CSMD1: variants seen among roughly 807,000 people sequenced by gnomAD.
CSMD1 encodes CUB and sushi domain-containing protein 1.
In CSMD1, 213 loss-of-function variants were observed where a neutral mutation model predicts 417.5. That is an observed-to-expected ratio of 0.51 (90% CI 0.46 to 0.57). CSMD1 has a LOEUF of 0.57. CSMD1 is among the 20% of genes least tolerant of loss of function. The pLI, the probability that CSMD1 is intolerant of heterozygous loss-of-function variation, is 0.00. For missense variants in CSMD1, 6,923 were observed against 4,529.7 expected, an observed-to-expected ratio of 1.53 and a Z score of -15.17; for synonymous variants, 2,862 against 1,736.8, an observed-to-expected ratio of 1.65 and a Z score of -16.11.
chr8:3,494,631 A>G (rs1468929498), intron 10 of CSMD1, among the ~76,000 whole-genome samples: 1 of 152,046 alleles, frequency 6.6e-6, no homozygotes, highest in African/African-American at 2.4e-5. Flanking sequence ...GATAGATGAC[A>G]GACTGGATGG....
chr8:3,684,596 C>CTT (rs141663569), intron 7 of CSMD1, among the ~76,000 whole-genome samples: 17 of 127,918 alleles, frequency 1.3e-4, no homozygotes, highest in East Asian at 9.1e-4. Context: ...CTGATACAGT[C>CTT]TTTTTTTTTT....
At chr8:4,907,807 C>T (rs1320417500) in intron 1 of CSMD1, among the ~76,000 whole-genome samples, 1 of 151,778 alleles carries the variant, frequency 6.6e-6, no homozygotes, top group Admixed American at 6.6e-5. Context: ...CTCAAGCAAT[C>T]CTCTTTCCTC....
At chr8:4,049,374 A>C (rs1798306966) in intron 3 of CSMD1, among the ~76,000 whole-genome samples, 1 of 151,806 alleles carries the variant, frequency 6.6e-6, no homozygotes. Context: ...AACAATCAAA[A>C]ATCTCTGCAG....
At position 3,223,873 on chromosome 8, in the gene CSMD1, A is replaced by G; in HGVS notation, c.4346-6T>C. 6.2e-7 allele frequency: 1 copy of G among 1,613,628 alleles called. No individual in the cohort carries two copies. On this transcript the variant is annotated splice_polypyrimidine_tract_variant and splice_region_variant and intron_variant, in intron 27 of 69. Coordinates refer to ENST00000635120, the MANE Select transcript of CSMD1 (RefSeq NM_033225.6). ...CAGATTCCCTCCACAAGCAGCTGTC[A>G]CAGAACAAAAGTTACAGAGAAAAAG...
Position 3,263,142 on chromosome 8 carries a change from A to G in CSMD1, c.4153+21002T>C, listed in dbSNP as rs182739493. On this transcript the variant is annotated intron_variant, in intron 26 of 69. Coordinates refer to ENST00000635120, the MANE Select transcript of CSMD1 (RefSeq NM_033225.6). ...TTCAGAGAGTTTCACTTTGTTGTCC[A>G]GGCTGGAGTGCAGTGGCATGATCGC... Among the ~76,000 whole-genome samples, 379 of 152,240 alleles carry G rather than the reference A, an allele frequency of 2.5e-3. 1 individual carries two copies. The highest frequency in any genetic ancestry group is 8.1e-3 in the African/African-American group (338 of 41,540).
intron 7 of CSMD1, among the ~76,000 whole-genome samples, chr8:3,634,321 G>A (rs1039361735): frequency 6.6e-6 from 1 of 152,190 alleles, no homozygotes; most frequent in Non-Finnish European, 1.5e-5. Flanking sequence ...AGCAATGTGG[G>A]TGGACAGCAT....
intron 2 of CSMD1, among the ~76,000 whole-genome samples, chr8:4,460,088 C>T (rs1335359411): frequency 6.6e-6 from 1 of 152,128 alleles, no homozygotes; most frequent in East Asian, 1.9e-4. Context: ...ATGAAACATT[C>T]TCCACAACAG....
intron 10 of CSMD1, among the ~76,000 whole-genome samples, chr8:3,523,859 GCA>G (rs990446637): frequency 9.5e-5 from 12 of 126,480 alleles, no homozygotes; most frequent in South Asian, 2.6e-4. Context: ...GCATGCGCAT[GCA>G]CACACTTACA....
chr8:4,359,302 G>T (rs1484757918), intron 3 of CSMD1, among the ~76,000 whole-genome samples: 1 of 152,134 alleles, frequency 6.6e-6, no homozygotes, highest in African/African-American at 2.4e-5. Context: ...ATATATGGCT[G>T]CAGTGCATTA....
chr8:3,636,367 G>T (rs985659569), intron 7 of CSMD1, among the ~76,000 whole-genome samples: 1 of 152,138 alleles, frequency 6.6e-6, no homozygotes, highest in Non-Finnish European at 1.5e-5. Context: ...TAGTAGAGAT[G>T]AGGGTTCTCC....
At chr8:4,606,421 G>A (rs959007552) in intron 2 of CSMD1, among the ~76,000 whole-genome samples, 1 of 152,070 alleles carries the variant, frequency 6.6e-6, no homozygotes, top group Non-Finnish European at 1.5e-5. Flanking sequence ...GGCTCCCTGG[G>A]CTCACAGTGC....
intron 54 of CSMD1, among the ~76,000 whole-genome samples, chr8:2,979,505 C>G (rs756353276): frequency 5.9e-5 from 9 of 152,192 alleles, no homozygotes. Context: ...AGAAAGAACT[C>G]TGATTACCTC....
intron 28 of CSMD1, among the ~76,000 whole-genome samples, chr8:3,222,648 TG>T (rs1459677449): frequency 6.6e-6 from 1 of 152,084 alleles, no homozygotes; most frequent in East Asian, 1.9e-4. Context: ...AAACCAGAGG[TG>T]CCTCCTAATT....
intron 2 of CSMD1, among the ~76,000 whole-genome samples, chr8:4,450,647 G>C (rs1279795972): frequency 2.0e-5 from 3 of 151,958 alleles, no homozygotes; most frequent in Non-Finnish European, 4.4e-5. Context: ...AAAAAAATTT[G>C]GTACTTTGAT....
intron 5 of CSMD1, among the ~76,000 whole-genome samples, chr8:3,871,113 G>T (rs556851271): frequency 2.7e-4 from 41 of 152,032 alleles, no homozygotes; most frequent in African/African-American, 7.7e-4. Flanking sequence ...TAGACATCTA[G>T]AATATTTTCA....
intron 10 of CSMD1, among the ~76,000 whole-genome samples, chr8:3,547,928 T>C (rs962066733): frequency 5.9e-5 from 9 of 152,206 alleles, no homozygotes; most frequent in Non-Finnish European, 8.8e-5. Flanking sequence ...TGCCATATCC[T>C]GATGTCATAA....
intron 1 of CSMD1, among the ~76,000 whole-genome samples, chr8:4,727,827 T>C (rs1219192649): frequency 2.7e-5 from 4 of 150,422 alleles, no homozygotes; most frequent in Non-Finnish European, 5.9e-5. Context: ...ATGTTTGGGA[T>C]ATATATATCT....
chr8:4,533,407 C>T (rs900791224), intron 2 of CSMD1, among the ~76,000 whole-genome samples: 4 of 152,034 alleles, frequency 2.6e-5, no homozygotes, highest in Admixed American at 6.6e-5. Context: ...CCAGGATGGA[C>T]GGACAAAAAA....
intron 3 of CSMD1, among the ~76,000 whole-genome samples, chr8:4,129,890 T>C (rs1186402883): frequency 6.6e-6 from 1 of 152,158 alleles, no homozygotes; most frequent in Non-Finnish European, 1.5e-5. Context: ...TTTGTGAATA[T>C]AATATATCCT....
Sources: gnomAD v4.1 joint callset for allele counts (sites outside exome capture counted in the v4.1 genomes callset) on GRCh38, gnomAD v4.1.1 for gene constraint, MANE v1.5 for transcripts, NCBI Gene and HGNC (gene_info 2026-07-23, HGNC 2026-07-21) for gene names.